TEX9: variants seen among roughly 807,000 people sequenced by gnomAD.
The protein encoded by TEX9 is testis expressed 9.
TEX9 carries 74 observed loss-of-function variants against 59.6 expected under a neutral mutation model. That is an observed-to-expected ratio of 1.24 (90% confidence interval 1.03 to 1.51). The LOEUF (loss-of-function observed/expected upper bound fraction) is 1.51. Ranked by LOEUF, TEX9 falls within the 40% of genes most tolerant of loss-of-function variation. The pLI is 0.00. For missense variants in TEX9, 522 were observed against 447.8 expected (o/e 1.17, Z -1.49); for synonymous variants, 186 against 152.2 (o/e 1.22, Z -1.64).
chr15:56,295,480 TC>T (rs1293756574), intron 1 of TEX9, among the ~76,000 whole-genome samples: 2 of 152,206 alleles, frequency 1.3e-5, no homozygotes, highest in African/African-American at 4.8e-5. Flanking sequence ...CCTTTCTGCA[TC>T]TTGAGTAACT....
intron 1 of TEX9, among the ~76,000 whole-genome samples, chr15:56,304,061 C>T (rs1234863189): frequency 6.6e-6 from 1 of 152,098 alleles, no homozygotes; most frequent in African/African-American, 2.4e-5. Flanking sequence ...TGAATTCTAA[C>T]AAACACTTAA....
intron 10 of TEX9, 90 bp from the exon 11 acceptor site, chr15:56,427,515 A>T: frequency 3.4e-6 from 3 of 872,846 alleles, no homozygotes; most frequent in Non-Finnish European, 3.2e-6. Flanking sequence ...TTAAGAAAGT[A>T]CTTTTTATTA....
intron 10 of TEX9, among the ~76,000 whole-genome samples, chr15:56,426,836 C>T (rs563658731): frequency 6.6e-6 from 1 of 151,208 alleles, no homozygotes; most frequent in East Asian, 2.0e-4. Context: ...TCTGCTTTGC[C>T]CAAATTGCTA....
intron 1 of TEX9, among the ~76,000 whole-genome samples, chr15:56,248,042 T>C (rs2043905075): frequency 1.3e-5 from 2 of 152,232 alleles, no homozygotes; most frequent in African/African-American, 4.8e-5. Context: ...AGCTAAGCTG[T>C]TGTCTTTCAA....
intron 1 of TEX9, among the ~76,000 whole-genome samples, chr15:56,258,628 A>G (rs1304988253): frequency 6.6e-6 from 1 of 151,916 alleles, no homozygotes; most frequent in Non-Finnish European, 1.5e-5. Context: ...ATTTTTGCAC[A>G]TTGATTTTTG....
intron 12 of TEX9, among the ~76,000 whole-genome samples, chr15:56,432,157 C>T (rs1231118794): frequency 6.6e-6 from 1 of 152,118 alleles, no homozygotes; most frequent in Non-Finnish European, 1.5e-5. Flanking sequence ...CAGGGGAAAG[C>T]AAACTTGATA....
At chr15:56,317,398 A>G (rs1454879024) in intron 1 of TEX9, among the ~76,000 whole-genome samples, 1 of 152,178 alleles carries the variant, frequency 6.6e-6, no homozygotes, top group Non-Finnish European at 1.5e-5. Context: ...TTTATTCTTA[A>G]TGTTAGCAAT....
chr15:56,323,493 C>G (rs967897034), intron 1 of TEX9: 1 of 197,698 alleles, frequency 5.1e-6, no homozygotes, highest in Non-Finnish European at 1.0e-5. Flanking sequence ...TGTGGAATAA[C>G]ACTGCACAAA....
chr15:56,384,435 G>A (rs1275539195), intron 4 of TEX9, among the ~76,000 whole-genome samples: 1 of 152,128 alleles, frequency 6.6e-6, no homozygotes, highest in African/African-American at 2.4e-5. Context: ...ACCTCCAAAT[G>A]ACTTTCCAGC....
chr15:56,272,143 C>A (rs78704522), intron 1 of TEX9, among the ~76,000 whole-genome samples: 21 of 143,952 alleles, frequency 1.5e-4, no homozygotes, highest in South Asian at 2.2e-4. Context: ...CATTCCATCT[C>A]AAAAAAAAAA....
At chr15:56,408,007 C>G (rs562068036) in intron 9 of TEX9, among the ~76,000 whole-genome samples, 1 of 152,200 alleles carries the variant, frequency 6.6e-6, no homozygotes, top group African/African-American at 2.4e-5. Flanking sequence ...ATCAAATTTA[C>G]TCTTATCAGA....
At chr15:56,437,177 G>A (rs2050741347) in intron 12 of TEX9, among the ~76,000 whole-genome samples, 1 of 152,128 alleles carries the variant, frequency 6.6e-6, no homozygotes, top group African/African-American at 2.4e-5. Flanking sequence ...GAGAATTTAA[G>A]ACCAATATCC....
intron 1 of TEX9, among the ~76,000 whole-genome samples, chr15:56,334,649 A>G (rs978254068): frequency 5.9e-5 from 9 of 152,150 alleles, no homozygotes; most frequent in Non-Finnish European, 1.3e-4. Context: ...AAAATGGACA[A>G]ATGGGATCAC....
rs1257967174 is a variant in TEX9 at position 56,394,922 on chromosome 15, G to T, written c.828+88G>T. 3.9e-6 allele frequency: 5 copies of T among 1,271,548 alleles called. No individual in the cohort carries two copies. The African/African-American group carries it at 6.1e-5, about 15-fold the overall frequency. 78.8% of individuals were successfully genotyped at this position (1,271,548 alleles called of 1,614,324 possible). A position where few individuals can be genotyped will look rare whatever the true frequency, so the allele number is the denominator to read the frequency against. The stretch of plus-strand genomic sequence containing the variant: ...CATTTGTATAGATGCCATTTTGACA[G>T]TTCAGTTATTTTATTAGTATTTACT... On this transcript the variant is annotated intron_variant, in intron 9 of 12. Coordinates refer to ENST00000352903, the Ensembl canonical transcript of TEX9.
intron 1 of TEX9, among the ~76,000 whole-genome samples, chr15:56,332,947 A>G (rs546848662): frequency 3.3e-5 from 5 of 152,180 alleles, no homozygotes; most frequent in Non-Finnish European, 7.3e-5. Flanking sequence ...CTAGATACAT[A>G]AAACCTACCA....
At chr15:56,373,584 C>G in intron 3 of TEX9, 80 bp downstream of exon 3, 2 of 1,180,068 alleles carry the variant, frequency 1.7e-6, no homozygotes, top group Middle Eastern at 3.0e-4. Flanking sequence ...GACATATATA[C>G]AAAACACTAG....
chr15:56,332,111 C>A (rs1420520253), intron 1 of TEX9, among the ~76,000 whole-genome samples: 1 of 127,804 alleles, frequency 7.8e-6, no homozygotes, highest in Non-Finnish European at 1.7e-5. Context: ...CCAGCCATCC[C>A]ATTACTGGGT....
At chr15:56,379,071 C>CAAAAAAAAAAAAAAAAAA (rs199787439) in intron 3 of TEX9, among the ~76,000 whole-genome samples, 1 of 50,180 alleles carries the variant, frequency 2.0e-5, no homozygotes, top group African/African-American at 5.1e-5. Context: ...CTCAAAGAAA[C>CAAAAAAAAAAAAAAAAAA]AAAAAAAAAA....
intron 1 of TEX9, among the ~76,000 whole-genome samples, chr15:56,272,293 C>G (rs1298804108): frequency 4.6e-5 from 7 of 152,196 alleles, no homozygotes; most frequent in African/African-American, 1.7e-4. Context: ...CTTGCTCCAA[C>G]CCCTGGCAAT....
Sources: allele counts gnomAD v4.1 joint callset (sites outside exome capture counted in the v4.1 genomes callset), GRCh38; gene constraint gnomAD v4.1.1; transcripts MANE v1.5; gene names NCBI Gene and HGNC (gene_info 2026-07-23, HGNC 2026-07-21).